ESYT3: variants seen among roughly 807,000 people sequenced by gnomAD.
ESYT3 encodes extended synaptotagmin-3.
A neutral mutation model predicts 111.5 loss-of-function variants in ESYT3; 101 were observed. The ratio of observed to expected loss-of-function variants is 0.91; its 90% CI spans 0.77 to 1.07. ESYT3 has a LOEUF of 1.07. ESYT3 is among the 50% of genes least tolerant of loss of function. The pLI is 0.00. For synonymous variants in ESYT3, 416 were observed against 446.8 expected (o/e 0.93, Z 0.87); for missense variants, 1,097 against 1,109.4 (o/e 0.99, Z 0.16).
intron 14 of ESYT3, 33 bp from the exon 15 acceptor site, chr3:138,469,403 C>G (rs1035012811): frequency 6.3e-6 from 10 of 1,589,444 alleles, no homozygotes; most frequent in Non-Finnish European, 7.8e-6. Context: ...TTGACTATGC[C>G]ACCTTCACTG....
chr3:138,457,230 T>G (rs941922727), intron 3 of ESYT3, among the ~76,000 whole-genome samples: 5 of 152,254 alleles, frequency 3.3e-5, no homozygotes, highest in African/African-American at 1.2e-4. Context: ...CACCCTGTGC[T>G]GTGGGGCCAG....
intron 8 of ESYT3, 41 bp downstream of exon 8, chr3:138,462,247 G>A (rs771164179): frequency 6.2e-7 from 1 of 1,613,580 alleles, no homozygotes; most frequent in South Asian, 1.1e-5. Flanking sequence ...CTGCTGGGAG[G>A]CAGCGCAAAT....
Position 138,434,977 on chromosome 3 carries a change from C to T in ESYT3, c.179C>T (p.Thr60Ile), listed in dbSNP as rs530314270. 1.3e-5 allele frequency: 20 copies of T among 1,557,628 alleles called. No homozygotes were observed. The African/African-American group carries it at 2.7e-4, about 21-fold the overall frequency. The change falls in exon 1 of 23, where the codon ACC becomes ATC. Residue 60 changes from threonine to isoleucine, a missense_variant. By Grantham distance (89) the Thr-to-Ile change is moderately conservative. Coordinates refer to ENST00000389567, the MANE Select transcript of ESYT3 (RefSeq NM_031913.5). ...YLAGYLGLSI[T>I]WLLLGALLWM... ...GCTGGCTACCTGGGGCTCAGCATAA[C>T]CTGGTTGCTGCTCGGCGCCCTGCTG...
rs1560239394 is a variant in ESYT3 at position 138,468,850 on chromosome 3, A to G, written c.1403A>G (p.Tyr468Cys). 6.2e-7 allele frequency: 1 copy of G among 1,614,192 alleles called. No individual in the cohort carries two copies. Among genetic ancestry groups the G allele is most frequent in the Non-Finnish European group, 8.5e-7 (1 of 1,180,026 alleles). Reference sequence around the variant, plus strand: ...CCTTTTGACTACCTGAATGGTGAATATCGAGCCAAAAAACTCTCCAGGTTT... The same window carrying G: ...CCTTTTGACTACCTGAATGGTGAATGTCGAGCCAAAAAACTCTCCAGGTTT... Reference protein sequence around the residue: ...RNPFDYLNGEYRAKKLSRFAR... With the variant: ...RNPFDYLNGECRAKKLSRFAR... Residue 468 changes from tyrosine to cysteine, a missense_variant, in exon 14 of 23, where the codon TAT becomes TGT. Tyr to Cys is a radical substitution (Grantham distance 194). Transcript: ENST00000389567.
chr3:138,467,635 G>C (rs770748248), intron 11 of ESYT3, 26 bp downstream of exon 11: 112 of 1,612,812 alleles, frequency 6.9e-5, no homozygotes, highest in Non-Finnish European at 9.3e-5. Context: ...GCAACCCTCG[G>C]GGGAGTTTCA....
intron 3 of ESYT3, among the ~76,000 whole-genome samples, chr3:138,456,607 CAG>C (rs975599088): frequency 6.6e-6 from 1 of 152,168 alleles, no homozygotes; most frequent in African/African-American, 2.4e-5. Flanking sequence ...CGCCTCCTGT[CAG>C]ATCAGCAGCG....
At chr3:138,462,717 C>T (rs1460834671) in intron 8 of ESYT3, among the ~76,000 whole-genome samples, 2 of 152,192 alleles carry the variant, frequency 1.3e-5, no homozygotes, top group Admixed American at 6.5e-5. Flanking sequence ...GGCTGGAGTG[C>T]AGTGGCACAA....
In ESYT3 at chr3:138,472,376, A is replaced by C. The variant is rs547659142; in HGVS notation, c.1754A>C (p.Glu585Ala). Residue 585 changes from glutamate to alanine, a missense_variant, in exon 18 of 23, where the codon GAG becomes GCG. Transcript: ENST00000389567. ...ATCTGCTTGCAGTTCCTGCAAGTGG[A>C]GGAACGAGAGCTGGGGAGCCCATAC... The part of the protein sequence containing the change: ...MRLVLRFLQV[E>A]ERELGSPYTG... 1 of 1,613,276 alleles carries C rather than the reference A, an allele frequency of 6.2e-7. No homozygotes were observed. The highest frequency in any genetic ancestry group is 1.3e-5 in the African/African-American group (1 of 74,880).
chr3:138,434,964 G>A lies in ESYT3; in HGVS notation c.166G>A (p.Gly56Arg). 1 of 1,555,116 alleles carries A rather than the reference G, an allele frequency of 6.4e-7. No homozygotes were observed. Among genetic ancestry groups the A allele is most frequent in the Non-Finnish European group, 8.7e-7 (1 of 1,148,650 alleles). ...LGPVYLAGYLGLSITWLLLGA... is the reference protein window; with the variant it reads ...LGPVYLAGYLRLSITWLLLGA... ...GCCTGTCTACCTAGCTGGCTACCTG[G>A]GGCTCAGCATAACCTGGTTGCTGCT... The change falls in exon 1 of 23, where the codon GGG becomes AGG. Residue 56 changes from glycine to arginine, a missense_variant. Physicochemically the swap from Gly to Arg is moderately radical, Grantham distance 125. Coordinates refer to ENST00000389567, the MANE Select transcript of ESYT3 (RefSeq NM_031913.5).
intron 18 of ESYT3, 130 bp from the exon 19 acceptor site, chr3:138,473,406 A>G: frequency 3.8e-6 from 3 of 789,664 alleles, no homozygotes; most frequent in Non-Finnish European, 6.0e-6. Context: ...TCTGAAAGTA[A>G]ACTCACTGTG....
At position 138,468,281 on chromosome 3, in the gene ESYT3, T is replaced by C. The variant is rs1003773392; in HGVS notation, c.1308+87T>C. ...GTGCAGGTGGAGGAAGGGTGGGAGA[T>C]GATGCCCCCTTCTTGCTCACCTCCT... On this transcript the variant is annotated intron_variant, in intron 12 of 22. Transcript: ENST00000389567. The C allele has an allele frequency of 4.8e-6, 6 of 1,248,330 alleles. No homozygotes were observed. The African/African-American group carries it at 8.8e-5, about 18-fold the overall frequency. 77.3% of individuals were successfully genotyped at this position (1,248,330 alleles called of 1,614,324 possible).
intron 10 of ESYT3, among the ~76,000 whole-genome samples, chr3:138,466,785 G>A (rs1013418635): frequency 6.6e-6 from 1 of 152,168 alleles, no homozygotes; most frequent in Admixed American, 6.5e-5. Context: ...TCATGGTTCT[G>A]CAGGCTGTAC....
chr3:138,470,158 G>T lies in ESYT3; in HGVS notation c.1590+12G>T. The stretch of plus-strand genomic sequence containing the variant: ...GGCTCCATCTGAAGGTTTGATGGAA[G>T]AAGGGCTCTTGAAACAGAGTTAAGA... On this transcript the variant is annotated intron_variant, in intron 16 of 22. Coordinates refer to ENST00000389567, the MANE Select transcript of ESYT3 (RefSeq NM_031913.5). 6.2e-7 allele frequency: 1 copy of T among 1,610,148 alleles called. No individual in the cohort carries two copies. The highest frequency in any genetic ancestry group is 1.1e-5 in the South Asian group (1 of 90,826).
At chr3:138,474,557 C>A in intron 20 of ESYT3, 1 of 477,924 alleles carries the variant, frequency 2.1e-6, no homozygotes, top group South Asian at 4.5e-5. Context: ...CCTACATTTA[C>A]TGCTCATAGA....
At chr3:138,437,779 C>T (rs1054471061) in intron 1 of ESYT3, among the ~76,000 whole-genome samples, 1 of 152,022 alleles carries the variant, frequency 6.6e-6, no homozygotes, top group African/African-American at 2.4e-5. Context: ...ACTTTAGATG[C>T]GTGGTGGCCT....
chr3:138,447,488 G>A (rs1209079047), intron 1 of ESYT3, among the ~76,000 whole-genome samples: 1 of 152,076 alleles, frequency 6.6e-6, no homozygotes, highest in African/African-American at 2.4e-5. Context: ...AATTTATTGT[G>A]TCAAAAACTA....
chr3:138,475,901 G>A (rs939762717), intron 20 of ESYT3, among the ~76,000 whole-genome samples: 24 of 152,228 alleles, frequency 1.6e-4, no homozygotes, highest in African/African-American at 5.3e-4. Flanking sequence ...ACTCCAGCCT[G>A]GGCGACAGAG....
intron 2 of ESYT3, 88 bp downstream of exon 2, chr3:138,452,177 C>A: frequency 7.6e-7 from 1 of 1,320,068 alleles, no homozygotes; most frequent in Admixed American, 1.9e-5. Flanking sequence ...TGATGGGGGC[C>A]TCGCGGCAAT....
At chr3:138,459,901 G>T in intron 5 of ESYT3, 44 bp from the exon 6 acceptor site, 1 of 1,567,862 alleles carries the variant, frequency 6.4e-7, no homozygotes, top group Non-Finnish European at 8.8e-7. Context: ...GGCATGGGGA[G>T]AAAGTAGGCC....
Sources: allele counts gnomAD v4.1 joint callset (sites outside exome capture counted in the v4.1 genomes callset), GRCh38; gene constraint gnomAD v4.1.1; transcripts MANE v1.5; gene names NCBI Gene and HGNC (gene_info 2026-07-23, HGNC 2026-07-21).